Variants in DMD observed in about 807,000 individuals in gnomAD.
DMD encodes dystrophin.
Under a neutral mutation model 330.1 loss-of-function variants are expected in DMD, and 63 were observed. The ratio of observed to expected loss-of-function variants is 0.19; its 90% CI spans 0.16 to 0.24. The LOEUF is 0.24. DMD is among the 10% of genes least tolerant of loss of function. DMD has a pLI of 1.00. For missense variants in DMD, 3,344 were observed against 2,684.1 expected, an observed-to-expected ratio of 1.25 and a Z score of -5.43; for synonymous variants, 1,223 against 959.8, an observed-to-expected ratio of 1.27 and a Z score of -5.07.
intron 44 of DMD, chrX:32,151,557 C>T (rs1297826193): frequency 9.0e-6 from 1 of 111,388 alleles, no homozygotes; most frequent in African/African-American, 3.3e-5. Flanking sequence ...ACAATACCTC[C>T]TTATTATTTA....
rs56379251 is a variant in DMD at position 32,206,467 on chromosome X, A to T, written c.6438+10449T>A. ...TCTATATGAGATACTCCAGCCAAAA[A>T]TGCACAAAAGTCAAATCGGAATGGA... On this transcript the variant is annotated intron_variant, in intron 44 of 78. Coordinates refer to ENST00000357033, the MANE Select transcript of DMD (RefSeq NM_004006.3). The T allele has an allele frequency of 0.011, 5,895 of 544,122 alleles. 218 individuals carry two copies. The African/African-American group carries it at 0.11, about 11-fold the overall frequency. The allele number at this position is 544,122 out of a possible 1,213,427, so 44.8% of individuals were successfully genotyped here.
At chrX:32,895,515 G>A (rs184267410) in intron 2 of DMD, among the ~76,000 whole-genome samples, 125 of 111,524 alleles carry the variant, frequency 1.1e-3, no homozygotes, top group Non-Finnish European at 3.6e-4. Flanking sequence ...AGTTTTGGGC[G>A]TCAAGGTTGA....
rs753951025 is a variant in DMD at position 31,794,162 on chromosome X, G to A, written c.7310-19970C>T. Among the ~76,000 whole-genome samples, 12 of 111,652 alleles carry A rather than the reference G, an allele frequency of 1.1e-4. No homozygotes were observed. The South Asian group carries it at 1.9e-3, about 17-fold the overall frequency. ...AAATTGATTGAAGATTATAGTATAC[G>A]TCTAAAATCTTGGGCATCATTAATA... On this transcript the variant is annotated intron_variant, in intron 50 of 78. Transcript: ENST00000357033.
At chrX:32,739,437 G>T (rs933391664) in intron 7 of DMD, among the ~76,000 whole-genome samples, 6 of 111,919 alleles carry the variant, frequency 5.4e-5, no homozygotes, top group African/African-American at 2.0e-4. Flanking sequence ...AAACACAAGT[G>T]TAAGATTACC....
At chrX:32,009,056 G>C (rs1603620128) in intron 44 of DMD, among the ~76,000 whole-genome samples, 1 of 111,320 alleles carries the variant, frequency 9.0e-6, no homozygotes, top group South Asian at 3.8e-4. Context: ...TGAGAGATTG[G>C]TAATGGGGAG....
intron 48 of DMD, among the ~76,000 whole-genome samples, chrX:31,847,977 T>C (rs981209880): frequency 3.6e-5 from 4 of 112,022 alleles, no homozygotes; most frequent in African/African-American, 6.5e-5. Context: ...AGAGTTGAGA[T>C]TATATCCAGG....
chrX:33,027,589 G>A (rs1357191914), intron 1 of DMD, among the ~76,000 whole-genome samples: 1 of 112,464 alleles, frequency 8.9e-6, no homozygotes. Context: ...CCTACTAGGT[G>A]GTAGAAAAAC....
chrX:32,769,218 G>A (rs749264541), intron 7 of DMD, among the ~76,000 whole-genome samples: 1 of 112,206 alleles, frequency 8.9e-6, no homozygotes, highest in Admixed American at 9.4e-5. Flanking sequence ...ATTCATTTAC[G>A]GTTCCACGTG....
intron 2 of DMD, among the ~76,000 whole-genome samples, chrX:32,998,868 T>TA (rs1450800803): frequency 2.7e-5 from 3 of 111,999 alleles, no homozygotes; most frequent in African/African-American, 9.7e-5. Context: ...CTTGGGTACT[T>TA]ACTAAATGTT....
chrX:32,752,369 G>T (rs2070938577), intron 7 of DMD, among the ~76,000 whole-genome samples: 1 of 110,981 alleles, frequency 9.0e-6, no homozygotes, highest in African/African-American at 3.3e-5. Flanking sequence ...GGAGCTTTAA[G>T]ATTTGACAGC....
Position 32,565,747 on chromosome X carries a change from C to A in DMD, c.1947G>T (p.Arg649=), listed in dbSNP as rs1603636539. Residue 649 remains arginine, a synonymous_variant, in exon 16 of 79, where the codon CGG becomes CGT. Transcript: ENST00000357033. ...KTEAWLDNFA[R]CWDNLVQKLE... ...GTTTTTGGACTAAATTATCCCAACA[C>A]CGGGCAAAGTTATCCAGCCATGCTT... 3.3e-6 allele frequency: 4 copies of A among 1,211,720 alleles called. No individual in the cohort carries two copies. Among genetic ancestry groups the A allele is most frequent in the East Asian group, 5.9e-5 (2 of 33,839 alleles).
At chrX:32,360,102 A>G (rs7062496) in intron 37 of DMD, among the ~76,000 whole-genome samples, 21,183 of 110,782 alleles carry the variant, frequency 0.19, 2,166 homozygotes, top group African/African-American at 0.4. Flanking sequence ...TTCTAAATCT[A>G]TTGTTCTCTC....
intron 53 of DMD, among the ~76,000 whole-genome samples, chrX:31,676,994 A>G (rs1449021172): frequency 9.0e-6 from 1 of 111,489 alleles, no homozygotes; most frequent in Non-Finnish European, 1.9e-5. Context: ...CACAGAGCAC[A>G]AACAAAAAAT....
At position 32,054,130 on chromosome X, in the gene DMD, AG is replaced by A. The variant is rs1569537444; in HGVS notation, c.6439-85617del. On this transcript the variant is annotated intron_variant, in intron 44 of 78. Coordinates refer to ENST00000357033, the MANE Select transcript of DMD (RefSeq NM_004006.3). ...GAGAGAGAGAGAGAGAGAGAGAGAGAGAGAGAAGAGGACTGAGGAACCAAAA... is the reference window on the plus strand; with the variant it reads ...GAGAGAGAGAGAGAGAGAGAGAGAGAAGAGAAGAGGACTGAGGAACCAAAA... Among the ~76,000 whole-genome samples the A allele has an allele frequency of 6.2e-3, 611 of 99,349 alleles. 6 individuals carry two copies. Among genetic ancestry groups the A allele is most frequent in the Non-Finnish European group, 0.011 (536 of 49,850 alleles). 86.3% of individuals were successfully genotyped at this position (99,349 alleles called of 115,157 possible).
chrX:32,348,624 C>A, intron 37 of DMD, 96 bp from the exon 38 acceptor site: 1 of 766,206 alleles, frequency 1.3e-6, no homozygotes, highest in Non-Finnish European at 1.9e-6. Context: ...TGTTGCTAAA[C>A]TAATCACATG....
intron 7 of DMD, among the ~76,000 whole-genome samples, chrX:32,755,451 T>C (rs924035894): frequency 9.0e-6 from 1 of 111,729 alleles, no homozygotes; most frequent in African/African-American, 3.3e-5. Context: ...TAAGAATCCC[T>C]GAAATGTATT....
intron 71 of DMD, among the ~76,000 whole-genome samples, chrX:31,177,221 T>C (rs1046640292): frequency 9.0e-6 from 1 of 111,529 alleles, no homozygotes; most frequent in Admixed American, 9.6e-5. Context: ...ATAAATCATC[T>C]GCTGGTATCT....
At chrX:32,680,300 C>T (rs147862974) in intron 9 of DMD, among the ~76,000 whole-genome samples, 4,886 of 111,043 alleles carry the variant, frequency 0.044, 240 homozygotes, top group African/African-American at 0.14. Flanking sequence ...TAATATTTAA[C>T]GTAACGTTTA....
intron 18 of DMD, among the ~76,000 whole-genome samples, chrX:32,506,047 T>G (rs927707061): frequency 9.0e-6 from 1 of 110,814 alleles, no homozygotes; most frequent in African/African-American, 3.3e-5. Flanking sequence ...GGAAAAGTAT[T>G]GAGGATTTTT....
Sources: allele counts gnomAD v4.1 joint callset (sites outside exome capture counted in the v4.1 genomes callset), GRCh38; gene constraint gnomAD v4.1.1; transcripts MANE v1.5; gene names NCBI Gene and HGNC (gene_info 2026-07-23, HGNC 2026-07-21).